The following ZFHX3 variants were observed in gnomAD, a reference collection of about 807,000 sequenced individuals.
The protein encoded by ZFHX3 is zinc finger homeobox 3, also known as zinc finger homeobox protein 3.
In ZFHX3, 42 loss-of-function variants were observed where a neutral mutation model predicts 279.1. The ratio of observed to expected loss-of-function variants is 0.15; its 90% CI spans 0.12 to 0.19. The LOEUF (loss-of-function observed/expected upper bound fraction) is 0.19. ZFHX3 is among the 10% of genes least tolerant of loss of function. The probability of loss-of-function intolerance (pLI) is 1.00; values close to 1 mark genes in which losing one functional copy is unlikely to be tolerated. For missense variants in ZFHX3, 4,981 were observed against 4,754.0 expected, an observed-to-expected ratio of 1.05 and a Z score of -1.40; for synonymous variants, 2,293 against 1,957.8, an observed-to-expected ratio of 1.17 and a Z score of -4.52.
chr16:73,196,407 C>T (rs530012093), intron 5 of ZFHX3, among the ~76,000 whole-genome samples: 9 of 152,130 alleles, frequency 5.9e-5, no homozygotes, highest in South Asian at 2.1e-4. Flanking sequence ...CTGATGGCTA[C>T]GGACTTCGAT....
At chr16:72,853,022 A>C (rs891502535) in intron 4 of ZFHX3, among the ~76,000 whole-genome samples, 1 of 152,214 alleles carries the variant, frequency 6.6e-6, no homozygotes, top group African/African-American at 2.4e-5. Flanking sequence ...TTATGTCCAG[A>C]GCTTTCTCAT....
chr16:73,558,450 A>C (rs963830387), intron 2 of ZFHX3: 7 of 152,222 alleles, frequency 4.6e-5, no homozygotes, highest in Non-Finnish European at 7.3e-5. Flanking sequence ...TGCCTTATCA[A>C]ATGGTACTGA....
intron 5 of ZFHX3, among the ~76,000 whole-genome samples, chr16:72,820,659 C>T (rs1427052620): frequency 2.0e-5 from 3 of 152,208 alleles, no homozygotes; most frequent in African/African-American, 7.2e-5. Context: ...CTGTCTTCCC[C>T]TGGCATAGCT....
chr16:73,191,054 G>A (rs1025230051), intron 5 of ZFHX3, among the ~76,000 whole-genome samples: 2 of 152,116 alleles, frequency 1.3e-5, no homozygotes, highest in African/African-American at 4.8e-5. Context: ...TGCTTTCCTG[G>A]TGGCTGTGTG....
At chr16:73,720,182 C>T (rs1431423392) in intron 1 of ZFHX3, among the ~76,000 whole-genome samples, 1 of 152,186 alleles carries the variant, frequency 6.6e-6, no homozygotes, top group Non-Finnish European at 1.5e-5. Flanking sequence ...TAACGACAAT[C>T]TCTAGTGTGG....
chr16:73,603,480 A>C (rs1182012275), intron 2 of ZFHX3, among the ~76,000 whole-genome samples: 3 of 152,094 alleles, frequency 2.0e-5, no homozygotes, highest in Non-Finnish European at 4.4e-5. Flanking sequence ...AAAATACGAG[A>C]ATACTGAAAG....
chr16:72,958,297 C>G lies in ZFHX3; in HGVS notation c.1849G>C (p.Val617Leu). The G allele has an allele frequency of 1.2e-6, 2 of 1,614,020 alleles. No homozygotes were observed. Among genetic ancestry groups the G allele is most frequent in the Non-Finnish European group, 1.7e-6 (2 of 1,179,882 alleles). The change falls in exon 2 of 10, where the codon GTT becomes CTT. Residue 617 changes from valine (V) to leucine (L), a missense_variant. Around this residue, in one of 7 missense-constraint regions of ZFHX3, gnomAD observed 1,068 missense variants for 935.2 expected, o/e 1.14. Transcript: ENST00000268489. ...GAGCCAGCGTGCTGGTGATGGGGAA[C>G]GAAGCCCCCATCGTCACCCTCTGTG... is the stretch of plus-strand genomic sequence containing the variant. ...ESTEGDDGGF[V>L]PHHQHAGSLC...
At chr16:73,086,872 C>T (rs140694181) in intron 8 of ZFHX3, among the ~76,000 whole-genome samples, 8 of 152,240 alleles carry the variant, frequency 5.3e-5, no homozygotes, top group African/African-American at 1.7e-4. Context: ...CACTGCACTC[C>T]ATCCTGGGTC....
intron 1 of ZFHX3, among the ~76,000 whole-genome samples, chr16:72,987,011 G>A (rs1042054968): frequency 2.0e-5 from 3 of 152,134 alleles, no homozygotes; most frequent in Admixed American, 1.3e-4. Flanking sequence ...AATTAGCAAG[G>A]TGTGGTGGCG....
intron 7 of ZFHX3, among the ~76,000 whole-genome samples, chr16:73,116,112 C>A (rs1264737201): frequency 1.4e-5 from 2 of 143,804 alleles, no homozygotes; most frequent in Non-Finnish European, 3.0e-5. Context: ...AAGAGCGAAA[C>A]TCTGTCTCAA....
intron 2 of ZFHX3, among the ~76,000 whole-genome samples, chr16:73,594,982 T>A (rs2052034346): frequency 2.0e-5 from 3 of 152,174 alleles, no homozygotes; most frequent in Admixed American, 2.0e-4. Flanking sequence ...CTTGTCAATA[T>A]CCTGGAGAAG....
intron 3 of ZFHX3, among the ~76,000 whole-genome samples, chr16:72,925,144 G>C (rs1373839823): frequency 6.6e-6 from 1 of 152,184 alleles, no homozygotes; most frequent in Non-Finnish European, 1.5e-5. Flanking sequence ...ATAACCTGTG[G>C]GGCTGGAGCA....
chr16:73,610,816 A>C (rs1322633837), intron 2 of ZFHX3, among the ~76,000 whole-genome samples: 1 of 152,220 alleles, frequency 6.6e-6, no homozygotes, highest in Non-Finnish European at 1.5e-5. Flanking sequence ...ATTGGGTGAC[A>C]ACAATTTTGG....
At chr16:73,679,770 G>C (rs2142193643) in intron 2 of ZFHX3, 1 of 152,246 alleles carries the variant, frequency 6.6e-6, no homozygotes, top group East Asian at 1.9e-4. Context: ...ACTTTACCAA[G>C]ACCAGCAGCT....
intron 3 of ZFHX3, among the ~76,000 whole-genome samples, chr16:73,386,517 G>A (rs1218652115): frequency 1.3e-5 from 2 of 151,972 alleles, no homozygotes; most frequent in African/African-American, 2.4e-5. Flanking sequence ...ATAATATTAC[G>A]GACATAACAT....
chr16:73,752,427 T>C (rs2053769652), intron 1 of ZFHX3, among the ~76,000 whole-genome samples: 1 of 152,184 alleles, frequency 6.6e-6, no homozygotes. Context: ...CCTTCAGACA[T>C]GGCTGCACTG....
At chr16:72,992,131 C>T (rs549789580) in intron 1 of ZFHX3, among the ~76,000 whole-genome samples, 1 of 152,338 alleles carries the variant, frequency 6.6e-6, no homozygotes, top group African/African-American at 2.4e-5. Context: ...AAGTCCCCAA[C>T]CCACAGGTCC....
intron 5 of ZFHX3, among the ~76,000 whole-genome samples, chr16:73,180,670 T>A (rs556194085): frequency 6.6e-6 from 1 of 150,854 alleles, no homozygotes; most frequent in Non-Finnish European, 1.5e-5. Context: ...CTGCTGCTGT[T>A]TTTTTTTTTT....
intron 3 of ZFHX3, among the ~76,000 whole-genome samples, chr16:72,910,406 A>C (rs2039288705): frequency 6.6e-6 from 1 of 152,202 alleles, no homozygotes; most frequent in African/African-American, 2.4e-5. Context: ...GACATCCAAG[A>C]ATCTTGGATC....
Sources: allele counts gnomAD v4.1 joint callset (sites outside exome capture counted in the v4.1 genomes callset), GRCh38; gene constraint gnomAD v4.1.1; regional missense constraint gnomAD v4.1.1; transcripts MANE v1.5; gene names NCBI Gene and HGNC (gene_info 2026-07-23, HGNC 2026-07-21).